Variants in HHAT observed in about 807,000 individuals in gnomAD.
The protein encoded by HHAT is protein-cysteine N-palmitoyltransferase HHAT.
A neutral mutation model predicts 70.8 loss-of-function variants in HHAT; 47 were observed. The observed-to-expected ratio is 0.66, with a 90% CI of 0.53 to 0.85. The LOEUF is 0.85. Ranked by LOEUF, HHAT falls within the 40% of genes least tolerant of loss-of-function variation. HHAT has a pLI of 0.00. For synonymous variants in HHAT, 228 were observed against 247.6 expected (o/e 0.92, Z 0.74); for missense variants, 609 against 604.8 (o/e 1.01, Z -0.07).
intron 4 of HHAT, among the ~76,000 whole-genome samples, chr1:210,390,956 A>G (rs1558420455): frequency 6.6e-6 from 1 of 152,236 alleles, no homozygotes; most frequent in Non-Finnish European, 1.5e-5. Flanking sequence ...GGCTGCTATA[A>G]ACATGCAAGT....
intron 7 of HHAT, among the ~76,000 whole-genome samples, chr1:210,451,858 A>T (rs186700536): frequency 4.6e-5 from 7 of 152,344 alleles, no homozygotes; most frequent in African/African-American, 1.2e-4. Context: ...TATATCTTTT[A>T]AAAAATGGGA....
At chr1:210,643,445 T>G (rs948723068) in intron 11 of HHAT, among the ~76,000 whole-genome samples, 1 of 152,218 alleles carries the variant, frequency 6.6e-6, no homozygotes, top group Non-Finnish European at 1.5e-5. Flanking sequence ...TAGTCTTTGA[T>G]TAATCACAAA....
chr1:210,505,672 A>G (rs924115010), intron 8 of HHAT, among the ~76,000 whole-genome samples: 1 of 152,192 alleles, frequency 6.6e-6, no homozygotes, highest in Non-Finnish European at 1.5e-5. Flanking sequence ...CTTCCCAGAC[A>G]GGAATGTAAA....
At chr1:210,560,354 T>C (rs1407461048) in intron 9 of HHAT, among the ~76,000 whole-genome samples, 1 of 152,144 alleles carries the variant, frequency 6.6e-6, no homozygotes, top group Non-Finnish European at 1.5e-5. Context: ...ATATCTCACC[T>C]CTCTCATGCT....
rs118039640 is a variant in HHAT at position 210,338,230 on chromosome 1, C to T, written c.-44+9126C>T. 5.0e-4 allele frequency among the ~76,000 whole-genome samples: 76 copies of T among 152,002 alleles called. 5 individuals carry two copies. In the East Asian group the frequency reaches 0.015, roughly 29 times the overall value. On this transcript the variant is annotated intron_variant, in intron 1 of 11. Coordinates refer to ENST00000261458, the MANE Select transcript of HHAT (RefSeq NM_018194.6). ...TGGCTCTTGTCTATAGTCCCAGCTA[C>T]TCGGGAGGCTGAGATGGAAGGATTG...
chr1:210,595,794 C>T (rs942866405), intron 10 of HHAT, among the ~76,000 whole-genome samples: 20 of 152,130 alleles, frequency 1.3e-4, no homozygotes, highest in Non-Finnish European at 2.6e-4. Context: ...ATATCCTTCG[C>T]CCACTTTTTG....
At chr1:210,667,151 G>A (rs1166994497) in intron 11 of HHAT, among the ~76,000 whole-genome samples, 2 of 151,746 alleles carry the variant, frequency 1.3e-5, no homozygotes, top group African/African-American at 4.8e-5. Context: ...GAGAGGCCAA[G>A]GCAGGTGGAT....
chr1:210,640,436 C>G (rs1008779787), intron 11 of HHAT, among the ~76,000 whole-genome samples: 1 of 152,222 alleles, frequency 6.6e-6, no homozygotes, highest in South Asian at 2.1e-4. Flanking sequence ...AATGAAAACT[C>G]TTCTCTGACC....
chr1:210,396,788 C>CT (rs1182692225), intron 4 of HHAT, among the ~76,000 whole-genome samples: 1 of 152,152 alleles, frequency 6.6e-6, no homozygotes, highest in Non-Finnish European at 1.5e-5. Flanking sequence ...GATACAGCAA[C>CT]TTGGATGAAT....
At chr1:210,362,942 A>G in intron 3 of HHAT, 23 bp downstream of exon 3, 1 of 1,554,100 alleles carries the variant, frequency 6.4e-7, no homozygotes, top group Non-Finnish European at 8.9e-7. Context: ...TGCATAATAA[A>G]TCTCAGTTTT....
chr1:210,356,382 GC>G (rs1197644729), intron 2 of HHAT, among the ~76,000 whole-genome samples: 4 of 151,326 alleles, frequency 2.6e-5, no homozygotes, highest in African/African-American at 9.8e-5. Flanking sequence ...CATGTCACAG[GC>G]TTTTTTTTTC....
intron 10 of HHAT, among the ~76,000 whole-genome samples, chr1:210,601,491 A>C (rs1664254928): frequency 6.6e-6 from 1 of 152,108 alleles, no homozygotes; most frequent in Non-Finnish European, 1.5e-5. Flanking sequence ...ACTGGACATA[A>C]GCCATTTTCT....
At chr1:210,358,329 G>T (rs547676567) in intron 2 of HHAT, among the ~76,000 whole-genome samples, 1 of 152,360 alleles carries the variant, frequency 6.6e-6, no homozygotes, top group African/African-American at 2.4e-5. Context: ...TCAGGTGAGT[G>T]GCAGATGAGC....
intron 7 of HHAT, among the ~76,000 whole-genome samples, chr1:210,419,404 G>T (rs978122920): frequency 6.6e-6 from 1 of 152,010 alleles, no homozygotes; most frequent in Non-Finnish European, 1.5e-5. Flanking sequence ...TATTCCTCTG[G>T]CCAAAACAGC....
chr1:210,400,429 C>A, intron 4 of HHAT, 39 bp from the exon 5 acceptor site: 1 of 1,547,912 alleles, frequency 6.5e-7, no homozygotes, highest in Non-Finnish European at 8.7e-7. Context: ...CTCCCCTCTT[C>A]CTCCCTGTCT....
At chr1:210,572,958 G>A (rs1044724805) in intron 9 of HHAT, among the ~76,000 whole-genome samples, 4 of 152,158 alleles carry the variant, frequency 2.6e-5, no homozygotes, top group African/African-American at 9.7e-5. Flanking sequence ...AAAGACCAGA[G>A]TTAACTTCAT....
Position 210,512,048 on chromosome 1 carries a change from G to C in HHAT, c.1008-1105G>C, listed in dbSNP as rs371463812. Among the ~76,000 whole-genome samples, 14 of 152,200 alleles carry C rather than the reference G, an allele frequency of 9.2e-5. No individual in the cohort carries two copies. In the East Asian group the frequency reaches 1.6e-3, roughly 17 times the overall value. On this transcript the variant is annotated intron_variant, in intron 8 of 11. Coordinates refer to ENST00000261458, the MANE Select transcript of HHAT (RefSeq NM_018194.6). Reference sequence around the variant, plus strand: ...TAGTTAGAGAAACCAAGGCAGTGTCGTTTATATGGACTGTACCAGTTTCGT... The same window carrying C: ...TAGTTAGAGAAACCAAGGCAGTGTCCTTTATATGGACTGTACCAGTTTCGT...
At position 210,391,868 on chromosome 1, in the gene HHAT, AT is replaced by A. The variant is rs200754253; in HGVS notation, c.273+4296del. Among the ~76,000 whole-genome samples, 1,478 of 151,998 alleles carry A rather than the reference AT, an allele frequency of 9.7e-3. 13 individuals are homozygous for A. The highest frequency in any genetic ancestry group is 0.028 in the African/African-American group (1,161 of 41,468). On this transcript the variant is annotated intron_variant, in intron 4 of 11. Coordinates refer to ENST00000261458, the MANE Select transcript of HHAT (RefSeq NM_018194.6). ...ACCCTACAGCCACCAGTGCTATGTGATTTTTTTTTCCCCCCTTTACAGACAG... is the reference window on the plus strand; with the variant it reads ...ACCCTACAGCCACCAGTGCTATGTGATTTTTTTTCCCCCCTTTACAGACAG...
chr1:210,374,387 A>ATCTTCCC (rs1312157981), intron 3 of HHAT: 1 of 152,262 alleles, frequency 6.6e-6, no homozygotes, highest in Non-Finnish European at 1.5e-5. Flanking sequence ...GAATTCTTTA[A>ATCTTCCC]TCTTCCCATA....
Sources: allele counts gnomAD v4.1 joint callset (sites outside exome capture counted in the v4.1 genomes callset), GRCh38; gene constraint gnomAD v4.1.1; transcripts MANE v1.5; gene names NCBI Gene and HGNC (gene_info 2026-07-23, HGNC 2026-07-21).